The following GALNTL6 variants were observed in gnomAD, a reference collection of about 807,000 sequenced individuals.
The protein encoded by GALNTL6 is polypeptide N-acetylgalactosaminyltransferase like 6, also known as polypeptide N-acetylgalactosaminyltransferase-like 6.
GALNTL6 carries 46 observed loss-of-function variants against 73.7 expected under a neutral mutation model. That is an observed-to-expected ratio of 0.62 (90% CI 0.49 to 0.80). The LOEUF is 0.80. GALNTL6 is among the 30% of genes least tolerant of loss of function. The probability of loss-of-function intolerance (pLI) is 0.00; values close to 1 mark genes in which losing one functional copy is unlikely to be tolerated. For synonymous variants in GALNTL6, 259 were observed against 263.7 expected (o/e 0.98, Z 0.17); for missense variants, 604 against 755.0 (o/e 0.80, Z 2.34).
chr4:172,494,398 A>C (rs1490955228), intron 5 of GALNTL6, among the ~76,000 whole-genome samples: 2 of 152,202 alleles, frequency 1.3e-5, no homozygotes, highest in African/African-American at 2.4e-5. Context: ...TGAGAACCTG[A>C]TACTGAGATA....
At chr4:172,904,447 T>G (rs1273376031) in intron 8 of GALNTL6, among the ~76,000 whole-genome samples, 1 of 152,170 alleles carries the variant, frequency 6.6e-6, no homozygotes, top group Non-Finnish European at 1.5e-5. Flanking sequence ...AATTTCCTAC[T>G]TGCTAAGTTT....
chr4:172,144,011 C>T (rs1395080991), intron 2 of GALNTL6, among the ~76,000 whole-genome samples: 4 of 152,114 alleles, frequency 2.6e-5, no homozygotes, highest in Non-Finnish European at 5.9e-5. Context: ...ACAACTCTGA[C>T]CTGCAACTCT....
chr4:171,909,250 C>A (rs945024036), intron 2 of GALNTL6, among the ~76,000 whole-genome samples: 31 of 150,390 alleles, frequency 2.1e-4, no homozygotes, highest in African/African-American at 6.8e-4. Flanking sequence ...TTTTGTGCAA[C>A]CACAGTGATG....
At chr4:172,379,800 A>G (rs570400484) in intron 5 of GALNTL6, among the ~76,000 whole-genome samples, 4 of 152,302 alleles carry the variant, frequency 2.6e-5, no homozygotes, top group African/African-American at 9.6e-5. Flanking sequence ...ACTGCTTTTA[A>G]ACGTTTCCCA....
chr4:172,301,184 C>T (rs1739903421), intron 3 of GALNTL6, among the ~76,000 whole-genome samples: 1 of 152,192 alleles, frequency 6.6e-6, no homozygotes, highest in East Asian at 1.9e-4. Context: ...GTGCATTCGT[C>T]ACGTAGTTCT....
chr4:172,558,387 G>A (rs1425903569), intron 5 of GALNTL6, among the ~76,000 whole-genome samples: 1 of 152,174 alleles, frequency 6.6e-6, no homozygotes, highest in East Asian at 1.9e-4. Flanking sequence ...TTTGGAGACA[G>A]GGCCTTTAAA....
At chr4:172,266,100 G>C (rs912508263) in intron 3 of GALNTL6, 2 of 152,064 alleles carry the variant, frequency 1.3e-5, no homozygotes, top group African/African-American at 4.8e-5. Flanking sequence ...GAATTGGAAT[G>C]ATTATAAAAG....
At chr4:171,862,648 G>T (rs1488595345) in intron 2 of GALNTL6, among the ~76,000 whole-genome samples, 1 of 151,956 alleles carries the variant, frequency 6.6e-6, no homozygotes, top group African/African-American at 2.4e-5. Context: ...TTATTAGAAA[G>T]TCGACTGCAT....
In GALNTL6 at chr4:172,229,763, A is replaced by G. The variant is rs1431630412; in HGVS notation, c.246A>G (p.Ser82=). 1.3e-6 allele frequency: 2 copies of G among 1,594,804 alleles called. No individual in the cohort carries two copies. Among genetic ancestry groups the G allele is most frequent in the South Asian group, 2.2e-5 (2 of 90,522 alleles). ...GCATTCAGAAAGAGGCTATGCGCTC[A>G]GGTATGAAGCTCAGTGTACGCCAAA... ...YESIQKEAMR[S]GKGEHGKPYP... The change falls in exon 3 of 13, where the codon TCA becomes TCG. Residue 82 remains serine, a splice_region_variant and synonymous_variant. Coordinates refer to ENST00000506823, the MANE Select transcript of GALNTL6 (RefSeq NM_001034845.3).
rs143109638 is a variant in GALNTL6 at position 172,694,025 on chromosome 4, A to G, written c.554-115336A>G. Among the ~76,000 whole-genome samples, 19 of 152,340 alleles carry G rather than the reference A, an allele frequency of 1.2e-4. No individual in the cohort carries two copies. The East Asian group carries it at 3.3e-3, about 26-fold the overall frequency. On this transcript the variant is annotated intron_variant, in intron 5 of 12. Coordinates refer to ENST00000506823, the MANE Select transcript of GALNTL6 (RefSeq NM_001034845.3). ...CATTTAACAATTCCTCTGGGAACAA[A>G]AACCTTTTCAATGAAATTAGCCTGC... is the stretch of plus-strand genomic sequence containing the variant.
chr4:172,343,785 A>AT lies in GALNTL6; in HGVS notation c.387-4728dup, dbSNP rs201682487. 6.4e-3 allele frequency among the ~76,000 whole-genome samples: 954 copies of AT among 149,926 alleles called. 8 individuals carry two copies. Among genetic ancestry groups the AT allele is most frequent in the Admixed American group, 0.03 (449 of 15,038 alleles). ...GCAGAATGTTTACAAAATAATTTGG[A>AT]TTTTTTTTTTGGATTTTTAAATGCC... On this transcript the variant is annotated intron_variant, in intron 4 of 12. Transcript: ENST00000506823.
intron 2 of GALNTL6, among the ~76,000 whole-genome samples, chr4:172,161,272 TA>T (rs1226216244): frequency 6.6e-6 from 1 of 152,062 alleles, no homozygotes; most frequent in African/African-American, 2.4e-5. Flanking sequence ...GATGTGCATG[TA>T]TATGAATACC....
chr4:171,961,516 T>C (rs1213609340), intron 2 of GALNTL6, among the ~76,000 whole-genome samples: 1 of 152,152 alleles, frequency 6.6e-6, no homozygotes, highest in Non-Finnish European at 1.5e-5. Context: ...ACGTAGCAAA[T>C]AATTATTCTT....
intron 2 of GALNTL6, among the ~76,000 whole-genome samples, chr4:171,988,520 T>C (rs13106106): frequency 0.96 from 146,654 of 152,026 alleles, 70,949 homozygotes; most frequent in Non-Finnish European, 1. Flanking sequence ...GTTTGAGATC[T>C]AGAACAGAAT....
intron 5 of GALNTL6, among the ~76,000 whole-genome samples, chr4:172,805,913 A>T (rs537015815): frequency 6.6e-6 from 1 of 152,112 alleles, no homozygotes; most frequent in Non-Finnish European, 1.5e-5. Flanking sequence ...GATGAAGGAT[A>T]TTTTTTAAAA....
chr4:172,024,312 CTTTG>C (rs1174110665), intron 2 of GALNTL6, among the ~76,000 whole-genome samples: 7 of 151,594 alleles, frequency 4.6e-5, no homozygotes, highest in Non-Finnish European at 8.9e-5. Flanking sequence ...CTTTCTTATG[CTTTG>C]TTTAATATAT....
At position 172,748,880 on chromosome 4, in the gene GALNTL6, TTTGTTGTTGTTGTTGTTGTTG is replaced by T. The variant is rs142265791; in HGVS notation, c.554-60454_554-60434del. ...CTGCATGCATATACACATATTTTCT[TTTGTTGTTGTTGTTGTTGTTG>T]TTGTTGTTGTTGTTGTTGTTGTTGT... On this transcript the variant is annotated intron_variant, in intron 5 of 12. Transcript: ENST00000506823. 9.9e-4 allele frequency among the ~76,000 whole-genome samples: 148 copies of T among 150,110 alleles called. 1 individual carries two copies. The highest frequency in any genetic ancestry group is 2.0e-3 in the African/African-American group (82 of 40,674).
At chr4:172,727,855 AT>A (rs1735911074) in intron 5 of GALNTL6, among the ~76,000 whole-genome samples, 1 of 151,806 alleles carries the variant, frequency 6.6e-6, no homozygotes, top group South Asian at 2.1e-4. Flanking sequence ...AATATTAAAA[AT>A]ATTTTTCTTC....
chr4:172,728,362 G>A (rs993782086), intron 5 of GALNTL6, among the ~76,000 whole-genome samples: 19 of 152,154 alleles, frequency 1.2e-4, no homozygotes, highest in African/African-American at 4.3e-4. Flanking sequence ...ATAGGAGTGA[G>A]AATATGCAAT....
Sources: allele counts gnomAD v4.1 joint callset (sites outside exome capture counted in the v4.1 genomes callset), GRCh38; gene constraint gnomAD v4.1.1; transcripts MANE v1.5; gene names NCBI Gene and HGNC (gene_info 2026-07-23, HGNC 2026-07-21).